The following KCNF1 variants were observed in gnomAD, a reference collection of about 807,000 sequenced individuals.
The protein encoded by KCNF1 is potassium voltage-gated channel modifier subfamily F member 1.
KCNF1 carries 9 observed loss-of-function variants against 28.6 expected under a neutral mutation model. The observed-to-expected ratio is 0.31, with a 90% CI of 0.19 to 0.55. The LOEUF (loss-of-function observed/expected upper bound fraction) is 0.55. Among genes scored for constraint, KCNF1 ranks in the 20% least tolerant of loss-of-function variants. KCNF1 has a pLI of 0.93. For missense variants in KCNF1, 461 were observed against 684.2 expected (o/e 0.67, Z 3.64); for synonymous variants, 328 against 299.6 (o/e 1.09, Z -0.98).
At position 10,913,642 on chromosome 2, in the gene KCNF1, A is replaced by G. The variant is rs749594660; in HGVS notation, c.1216A>G (p.Ile406Val). The G allele has an allele frequency of 1.2e-6, 2 of 1,613,434 alleles. No homozygotes were observed. The highest frequency in any genetic ancestry group is 1.7e-6 in the Non-Finnish European group (2 of 1,180,004). ...CATCGCCCTGCCCATCCACCCCATC[A>G]TCAACAACTTTGTCAGGTACTACAA... The part of the protein sequence containing the change: ...IAIALPIHPI[I>V]NNFVRYYNKQ... The change falls in exon 1 of 1, where the codon ATC becomes GTC. Residue 406 changes from isoleucine to valine, a missense_variant. This residue lies in a region of KCNF1 where 115 missense variants were observed against 261.6 expected (regional missense o/e 0.44). Transcript: ENST00000295082. This position sits in a 1 kb window ranked among gnomAD's most constrained non-coding sequence, Gnocchi z 5.5.
At position 10,913,218 on chromosome 2, in the gene KCNF1, C is replaced by G. The variant is rs1488083781; in HGVS notation, c.792C>G (p.Leu264=). ...ACATTGTGGACGTGCTGGCCATCCT[C>G]CCCTTCTACGTGAGCCTCACGCTCA... ...FMNIVDVLAI[L]PFYVSLTLTH... The change falls in exon 1 of 1, where the codon CTC becomes CTG. Residue 264 remains leucine, a synonymous_variant. Transcript: ENST00000295082. The surrounding 1 kb of genome is among the most constrained non-coding windows in gnomAD (Gnocchi z 5.5). 1 of 1,613,500 alleles carries G rather than the reference C, an allele frequency of 6.2e-7. No homozygotes were observed. The highest frequency in any genetic ancestry group is 8.5e-7 in the Non-Finnish European group (1 of 1,180,030).
In KCNF1 at chr2:10,913,334, T is replaced by C; in HGVS notation, c.908T>C (p.Leu303Pro). 6.2e-7 allele frequency: 1 copy of C among 1,612,950 alleles called. No homozygotes were observed. The highest frequency in any genetic ancestry group is 8.5e-7 in the Non-Finnish European group (1 of 1,179,684). The change falls in exon 1 of 1, where the codon CTG becomes CCG. Residue 303 changes from leucine to proline, a missense_variant. Physicochemically the swap from Leu to Pro is moderately conservative, Grantham distance 98. Around this residue, in one of 4 missense-constraint regions of KCNF1, gnomAD observed 115 missense variants for 261.6 expected, o/e 0.44. Coordinates refer to ENST00000295082, the MANE Select transcript of KCNF1 (RefSeq NM_002236.5). This position sits in a 1 kb window ranked among gnomAD's most constrained non-coding sequence, Gnocchi z 5.5. ...ATGCGCATCGCGCGCATCTTCAAGCTGGCCCGCCACTCCTCGGGCCTGCAG... is the reference window on the plus strand; with the variant it reads ...ATGCGCATCGCGCGCATCTTCAAGCCGGCCCGCCACTCCTCGGGCCTGCAG... ...RIMRIARIFKLARHSSGLQTL... is the reference protein window; with the variant it reads ...RIMRIARIFKPARHSSGLQTL...
Position 10,913,751 on chromosome 2 carries a change from C to G in KCNF1, c.1325C>G (p.Thr442Ser). ...LNSSSGGEGK[T>S]GGSRSDLDNL... is the part of the protein sequence containing the mutation. ...TCCAGCAGCGGGGGCGAGGGCAAGA[C>G]CGGGGGCTCCCGCAGTGACCTGGAC... Residue 442 changes from threonine to serine, a missense_variant, in exon 1 of 1, where the codon ACC becomes AGC. Physicochemically the swap from Thr to Ser is moderately conservative, Grantham distance 58. Transcript: ENST00000295082. The surrounding 1 kb of genome is among the most constrained non-coding windows in gnomAD (Gnocchi z 5.5). The G allele has an allele frequency of 6.2e-7, 1 of 1,612,416 alleles. No individual in the cohort carries two copies. The highest frequency in any genetic ancestry group is 8.5e-7 in the Non-Finnish European group (1 of 1,179,342).
chr2:10,913,800 G>T lies in KCNF1; in HGVS notation c.1374G>T (p.Gly458=). 1 of 1,585,154 alleles carries T rather than the reference G, an allele frequency of 6.3e-7. No individual in the cohort carries two copies. Among genetic ancestry groups the T allele is most frequent in the Non-Finnish European group, 8.6e-7 (1 of 1,164,790 alleles). ...DLDNLPPEPA[G]KEAPSCSSRL... ...ACAACCTCCCTCCAGAGCCTGCGGG[G>T]AAGGAGGCGCCGAGCTGCAGCAGCC... The change falls in exon 1 of 1, where the codon GGG becomes GGT. Residue 458 remains glycine, a synonymous_variant. Transcript: ENST00000295082. The surrounding 1 kb of genome is among the most constrained non-coding windows in gnomAD (Gnocchi z 5.5).
Position 10,914,105 on chromosome 2 carries a change from G to GGAGGGAGGGGTGTGCAGGA in KCNF1, c.*196_*214dup. 1 of 581,616 alleles carries GGAGGGAGGGGTGTGCAGGA rather than the reference G, an allele frequency of 1.7e-6. No homozygotes were observed. The highest frequency in any genetic ancestry group is 4.5e-5 in the South Asian group (1 of 22,284). The allele number at this position is 581,616 out of a possible 1,614,324, so 36.0% of individuals were successfully genotyped here. On this transcript the variant is annotated 3_prime_UTR_variant, in exon 1 of 1. Coordinates refer to ENST00000295082, the MANE Select transcript of KCNF1 (RefSeq NM_002236.5). ...ATGTTGCCTGCTGTCCAGGAGCCCG[G>GGAGGGAGGGGTGTGCAGGA]GAGGGAGGGGTGTGCAGGAGCCGCA...
At position 10,914,032 on chromosome 2, in the gene KCNF1, T is replaced by C. The variant is rs1054207878; in HGVS notation, c.*121T>C. On this transcript the variant is annotated 3_prime_UTR_variant, in exon 1 of 1. Transcript: ENST00000295082. ...CCCCCCAACCCTCCCCTGGACAGAC[T>C]CTGAAGGCCCTCCCGGCACCTCTGC... is the stretch of plus-strand genomic sequence containing the variant. 6.0e-6 allele frequency: 7 copies of C among 1,158,656 alleles called. No homozygotes were observed. The highest frequency in any genetic ancestry group is 8.2e-6 in the Non-Finnish European group (7 of 852,842). The allele number at this position is 1,158,656 out of a possible 1,614,324, so 71.8% of individuals were successfully genotyped here.
rs552768809 is a variant in KCNF1 at position 10,912,279 on chromosome 2, G to A, written c.-148G>A. 4.5e-4 allele frequency: 208 copies of A among 463,816 alleles called. 1 individual carries two copies. In the East Asian group the frequency reaches 0.013, roughly 30 times the overall value. The allele number at this position is 463,816 out of a possible 1,614,324, so 28.7% of individuals were successfully genotyped here. On this transcript the variant is annotated 5_prime_UTR_variant, in exon 1 of 1. Coordinates refer to ENST00000295082, the MANE Select transcript of KCNF1 (RefSeq NM_002236.5). This position sits in a 1 kb window ranked among gnomAD's most constrained non-coding sequence, Gnocchi z 7.9. ...GGCGCGCCCCCGCAGGCTGCTGCCCGCTGTGACCGCCCTTCCCCGCAGGCG... is the reference window on the plus strand; with the variant it reads ...GGCGCGCCCCCGCAGGCTGCTGCCCACTGTGACCGCCCTTCCCCGCAGGCG...
Position 10,912,513 on chromosome 2 carries a change from G to T in KCNF1, c.87G>T (p.Val29=), listed in dbSNP as rs201712383. The change falls in exon 1 of 1, where the codon GTG becomes GTT. Residue 29 remains valine (V), a synonymous_variant. Coordinates refer to ENST00000295082, the MANE Select transcript of KCNF1 (RefSeq NM_002236.5). This position sits in a 1 kb window ranked among gnomAD's most constrained non-coding sequence, Gnocchi z 7.9. ...ACGACATAGAGATAGTCGTCAACGT[G>T]GGGGGCGTGCGGCAGGTGCTGTACG... ...ASDDIEIVVN[V]GGVRQVLYGD... The T allele has an allele frequency of 6.2e-7, 1 of 1,600,966 alleles. No individual in the cohort carries two copies. The highest frequency in any genetic ancestry group is 1.7e-5 in the Admixed American group (1 of 58,650).
chr2:10,913,204 G>A lies in KCNF1; in HGVS notation c.778G>A (p.Val260Met), dbSNP rs773222597. The A allele has an allele frequency of 4.3e-6, 7 of 1,613,330 alleles. No individual in the cohort carries two copies. In the Admixed American group the frequency reaches 6.7e-5, roughly 15 times the overall value. Residue 260 changes from valine to methionine, a missense_variant, in exon 1 of 1, where the codon GTG becomes ATG. This residue lies in a region of KCNF1 where 115 missense variants were observed against 261.6 expected (regional missense o/e 0.44). Coordinates refer to ENST00000295082, the MANE Select transcript of KCNF1 (RefSeq NM_002236.5). The surrounding 1 kb of genome is among the most constrained non-coding windows in gnomAD (Gnocchi z 5.5). ...GCTGTCCTTCATGAACATTGTGGAC[G>A]TGCTGGCCATCCTCCCCTTCTACGT... ...FALSFMNIVD[V>M]LAILPFYVSL...
Position 10,913,838 on chromosome 2 carries a change from C to T in KCNF1, c.1412C>T (p.Ser471Phe). The change falls in exon 1 of 1, where the codon TCC becomes TTC. Residue 471 changes from serine (S) to phenylalanine (F), a missense_variant. By Grantham distance (155) the Ser-to-Phe change is radical. Around this residue, in one of 4 missense-constraint regions of KCNF1, gnomAD observed 101 missense variants for 102.2 expected, o/e 0.99. Coordinates refer to ENST00000295082, the MANE Select transcript of KCNF1 (RefSeq NM_002236.5). The surrounding 1 kb of genome is among the most constrained non-coding windows in gnomAD (Gnocchi z 5.5). ...APSCSSRLKL[S>F]HSDTFIPLLT... is the part of the protein sequence containing the mutation. ...AGCTGCAGCAGCCGGCTGAAGCTCTCCCACAGCGACACCTTCATCCCCCTC... is the reference window on the plus strand; with the variant it reads ...AGCTGCAGCAGCCGGCTGAAGCTCTTCCACAGCGACACCTTCATCCCCCTC... 6.4e-7 allele frequency: 1 copy of T among 1,551,186 alleles called. No individual in the cohort carries two copies. Among genetic ancestry groups the T allele is most frequent in the East Asian group, 2.3e-5 (1 of 44,364 alleles).
rs1185902173 is a variant in KCNF1, at chr2:10,913,893, G to A, written c.1467G>A (p.Arg489=). The change falls in exon 1 of 1, where the codon CGG becomes CGA. Residue 489 remains arginine (R), a synonymous_variant. Coordinates refer to ENST00000295082, the MANE Select transcript of KCNF1 (RefSeq NM_002236.5). The surrounding 1 kb of genome is among the most constrained non-coding windows in gnomAD (Gnocchi z 5.5). The part of the protein sequence containing the change: ...LLTEEKHHRT[R]LQSCK ...CCGAGGAGAAGCACCACAGGACCCG[G>A]CTCCAGAGTTGCAAGTGACAGGAGG... 11 of 1,520,800 alleles carry A rather than the reference G, an allele frequency of 7.2e-6. No homozygotes were observed. Among genetic ancestry groups the A allele is most frequent in the African/African-American group, 1.4e-5 (1 of 71,886 alleles). The allele number at this position is 1,520,800 out of a possible 1,614,324, so 94.2% of individuals were successfully genotyped here. A position where few individuals can be genotyped will look rare whatever the true frequency, so the allele number is the denominator to read the frequency against.
rs1353579439 is a variant in KCNF1, at chr2:10,913,045, C to A, written c.619C>A (p.Leu207Met). 6.2e-7 allele frequency: 1 copy of A among 1,604,156 alleles called. No homozygotes were observed. Among genetic ancestry groups the A allele is most frequent in the African/African-American group, 1.3e-5 (1 of 74,938 alleles). Residue 207 changes from leucine (L) to methionine (M), a missense_variant, in exon 1 of 1, where the codon CTG becomes ATG. Physicochemically the swap from Leu to Met is conservative, Grantham distance 15. Coordinates refer to ENST00000295082, the MANE Select transcript of KCNF1 (RefSeq NM_002236.5). This position sits in a 1 kb window ranked among gnomAD's most constrained non-coding sequence, Gnocchi z 5.5. ...VVMCMGTIPE[L>M]QVLDAEGNRV... The stretch of plus-strand genomic sequence containing the variant: ...CATGTGCATGGGCACCATCCCCGAG[C>A]TGCAGGTGCTGGACGCCGAGGGCAA...
chr2:10,911,944 T>C lies in KCNF1; in HGVS notation c.-483T>C, dbSNP rs913514385. On this transcript the variant is annotated 5_prime_UTR_variant, in exon 1 of 1. Transcript: ENST00000295082. ...GTCAGGCTGGAATTCCTATTGTGTT[T>C]AGAAAAGGCTCGGGCAAAGCCAGCC... 1 of 152,174 alleles carries C rather than the reference T, an allele frequency of 6.6e-6. No homozygotes were observed. The highest frequency in any genetic ancestry group is 6.5e-5 in the Admixed American group (1 of 15,286). 9.4% of individuals were successfully genotyped at this position (152,174 alleles called of 1,614,324 possible). A position where few individuals can be genotyped will look rare whatever the true frequency, so the allele number is the denominator to read the frequency against.
chr2:10,913,797 G>C lies in KCNF1; in HGVS notation c.1371G>C (p.Ala457=), dbSNP rs115526526. 3.2e-6 allele frequency: 5 copies of C among 1,586,662 alleles called. No individual in the cohort carries two copies. In the South Asian group the frequency reaches 4.6e-5, roughly 15 times the overall value. Residue 457 remains alanine (A), a synonymous_variant, in exon 1 of 1, where the codon GCG becomes GCC. Coordinates refer to ENST00000295082, the MANE Select transcript of KCNF1 (RefSeq NM_002236.5). This position sits in a 1 kb window ranked among gnomAD's most constrained non-coding sequence, Gnocchi z 5.5. ...SDLDNLPPEP[A]GKEAPSCSSR... is the part of the protein sequence containing the mutation. ...TGGACAACCTCCCTCCAGAGCCTGC[G>C]GGGAAGGAGGCGCCGAGCTGCAGCA... is the stretch of plus-strand genomic sequence containing the variant.
At position 10,913,902 on chromosome 2, in the gene KCNF1, T is replaced by C. The variant is rs775806040; in HGVS notation, c.1476T>C (p.Ser492=). ...EEKHHRTRLQ[S]CK is the part of the protein sequence containing the mutation. ...AGCACCACAGGACCCGGCTCCAGAGTTGCAAGTGACAGGAGGGCCCCTCAG... is the reference window on the plus strand; with the variant it reads ...AGCACCACAGGACCCGGCTCCAGAGCTGCAAGTGACAGGAGGGCCCCTCAG... The change falls in exon 1 of 1, where the codon AGT becomes AGC. Residue 492 remains serine (S), a synonymous_variant. Coordinates refer to ENST00000295082, the MANE Select transcript of KCNF1 (RefSeq NM_002236.5). The surrounding 1 kb of genome is among the most constrained non-coding windows in gnomAD (Gnocchi z 5.5). 1.3e-6 allele frequency: 2 copies of C among 1,519,860 alleles called. No homozygotes were observed. Among genetic ancestry groups the C allele is most frequent in the East Asian group, 2.3e-5 (1 of 44,102 alleles). The allele number at this position is 1,519,860 out of a possible 1,614,324, so 94.1% of individuals were successfully genotyped here. A position where few individuals can be genotyped will look rare whatever the true frequency, so the allele number is the denominator to read the frequency against.
Position 10,913,755 on chromosome 2 carries a change from G to C in KCNF1, c.1329G>C (p.Gly443=). 6.2e-7 allele frequency: 1 copy of C among 1,612,430 alleles called. No homozygotes were observed. Among genetic ancestry groups the C allele is most frequent in the African/African-American group, 1.3e-5 (1 of 75,034 alleles). The change falls in exon 1 of 1, where the codon GGG becomes GGC. Residue 443 remains glycine, a synonymous_variant. Transcript: ENST00000295082. This position sits in a 1 kb window ranked among gnomAD's most constrained non-coding sequence, Gnocchi z 5.5. ...GCAGCGGGGGCGAGGGCAAGACCGG[G>C]GGCTCCCGCAGTGACCTGGACAACC... ...NSSSGGEGKT[G]GSRSDLDNLP...
chr2:10,912,277 C>T lies in KCNF1; in HGVS notation c.-150C>T, dbSNP rs1661548049. The T allele has an allele frequency of 6.6e-6, 3 of 455,024 alleles. No individual in the cohort carries two copies. Among genetic ancestry groups the T allele is most frequent in the Non-Finnish European group, 9.5e-6 (3 of 317,028 alleles). 28.2% of individuals were successfully genotyped at this position (455,024 alleles called of 1,614,324 possible). ...GCGGCGCGCCCCCGCAGGCTGCTGCCCGCTGTGACCGCCCTTCCCCGCAGG... is the reference window on the plus strand; with the variant it reads ...GCGGCGCGCCCCCGCAGGCTGCTGCTCGCTGTGACCGCCCTTCCCCGCAGG... On this transcript the variant is annotated 5_prime_UTR_variant, in exon 1 of 1. Coordinates refer to ENST00000295082, the MANE Select transcript of KCNF1 (RefSeq NM_002236.5). The surrounding 1 kb of genome is among the most constrained non-coding windows in gnomAD (Gnocchi z 7.9).
chr2:10,912,858 C>T lies in KCNF1; in HGVS notation c.432C>T (p.Arg144=), dbSNP rs751695475. The T allele has an allele frequency of 3.3e-5, 53 of 1,613,438 alleles. No individual in the cohort carries two copies. Among genetic ancestry groups the T allele is most frequent in the East Asian group, 4.5e-5 (2 of 44,886 alleles). Residue 144 remains arginine (R), a synonymous_variant, in exon 1 of 1, where the codon CGC becomes CGT. Coordinates refer to ENST00000295082, the MANE Select transcript of KCNF1 (RefSeq NM_002236.5). The surrounding 1 kb of genome is among the most constrained non-coding windows in gnomAD (Gnocchi z 7.9). ...KREELEEIAR[R]VQLILDDLGV... ...AGGAGCTGGAGGAGATCGCGCGCCG[C>T]GTGCAGCTCATCCTGGACGACCTGG...
At position 10,913,074 on chromosome 2, in the gene KCNF1, C is replaced by G; in HGVS notation, c.648C>G (p.Arg216=). The G allele has an allele frequency of 6.2e-7, 1 of 1,606,850 alleles. No individual in the cohort carries two copies. Among genetic ancestry groups the G allele is most frequent in the Non-Finnish European group, 8.5e-7 (1 of 1,179,996 alleles). The change falls in exon 1 of 1, where the codon CGC becomes CGG. Residue 216 remains arginine, a synonymous_variant. Transcript: ENST00000295082. This position sits in a 1 kb window ranked among gnomAD's most constrained non-coding sequence, Gnocchi z 5.5. The part of the protein sequence containing the change: ...ELQVLDAEGN[R]VEHPTLENVE... ...AGGTGCTGGACGCCGAGGGCAACCG[C>G]GTGGAGCACCCGACGCTGGAGAACG...
Sources: gnomAD v4.1 joint callset for allele counts on GRCh38, gnomAD v4.1.1 for gene constraint, gnomAD v4.1.1 regional missense constraint, Gnocchi (gnomAD v3.1) non-coding constraint, MANE v1.5 for transcripts, NCBI Gene and HGNC (gene_info 2026-07-23, HGNC 2026-07-21) for gene names.